PARD3B: variants seen among roughly 807,000 people sequenced by gnomAD.
PARD3B encodes partitioning defective 3 homolog B.
In PARD3B, 103 loss-of-function variants were observed where a neutral mutation model predicts 130.2. The observed-to-expected ratio is 0.79, with a 90% CI of 0.67 to 0.93. The LOEUF (loss-of-function observed/expected upper bound fraction) is 0.93, where lower values mean the gene tolerates loss of function less well. Among genes scored for constraint, PARD3B ranks in the 40% least tolerant of loss-of-function variants. The pLI, the probability that PARD3B is intolerant of heterozygous loss-of-function variation, is 0.00. For missense variants in PARD3B, 1,609 were observed against 1,499.2 expected (o/e 1.07, Z -1.21); for synonymous variants, 583 against 553.2 (o/e 1.05, Z -0.76).
chr2:204,774,277 A>G (rs952834197), intron 2 of PARD3B, among the ~76,000 whole-genome samples: 3 of 152,026 alleles, frequency 2.0e-5, no homozygotes, highest in Non-Finnish European at 2.9e-5. Flanking sequence ...TCCTTCCATG[A>G]GAATCCACGC....
At chr2:205,022,112 A>G (rs1337416830) in intron 3 of PARD3B, among the ~76,000 whole-genome samples, 1 of 152,218 alleles carries the variant, frequency 6.6e-6, no homozygotes, top group African/African-American at 2.4e-5. Flanking sequence ...AAATCTAATG[A>G]TTCAGTTAGT....
intron 19 of PARD3B, among the ~76,000 whole-genome samples, chr2:205,411,240 A>G (rs2106052030): frequency 6.6e-6 from 1 of 152,300 alleles, no homozygotes; most frequent in South Asian, 2.1e-4. Flanking sequence ...TTTTAGATAG[A>G]TAGATAGATA....
rs756852205 is a variant in PARD3B, at chr2:204,907,873, T to G, written c.223-57279T>G. On this transcript the variant is annotated intron_variant, in intron 2 of 22. Coordinates refer to ENST00000406610, the MANE Select transcript of PARD3B (RefSeq NM_001302769.2). This position sits in a 1 kb window ranked among gnomAD's most constrained non-coding sequence, Gnocchi z 5.7. The stretch of plus-strand genomic sequence containing the variant: ...TGTGGTAGCACGCCCAGCTGATTTT[T>G]GTATTTTTTGTAGAGATAAGCTTTC... Among the ~76,000 whole-genome samples the G allele has an allele frequency of 1.3e-5, 2 of 152,066 alleles. No individual in the cohort carries two copies. The highest frequency in any genetic ancestry group is 2.9e-5 in the Non-Finnish European group (2 of 68,006).
intron 2 of PARD3B, among the ~76,000 whole-genome samples, chr2:204,697,661 A>C (rs550531257): frequency 6.6e-6 from 1 of 152,100 alleles, no homozygotes; most frequent in East Asian, 1.9e-4. Context: ...GGATTGGCCT[A>C]CATAGTCCGT....
Position 205,301,515 on chromosome 2 carries a change from A to G in PARD3B, c.2444A>G (p.Glu815Gly), listed in dbSNP as rs2041997029. ...TCTGGCCAAGGAGCTCTGAATTGTG[A>G]GTCTGCCCCTCAGGGGAATTCGGAG... ...SHSGQGALNC[E>G]SAPQGNSELE... The change falls in exon 18 of 23, where the codon GAG becomes GGG. Residue 815 changes from glutamate (E) to glycine (G), a missense_variant. Glu to Gly is a moderately conservative substitution (Grantham distance 98). Coordinates refer to ENST00000406610, the MANE Select transcript of PARD3B (RefSeq NM_001302769.2). The surrounding 1 kb of genome is among the most constrained non-coding windows in gnomAD (Gnocchi z 5.2). 3 of 1,614,022 alleles carry G rather than the reference A, an allele frequency of 1.9e-6. No homozygotes were observed. Among genetic ancestry groups the G allele is most frequent in the Non-Finnish European group, 1.7e-6 (2 of 1,180,018 alleles).
intron 20 of PARD3B, among the ~76,000 whole-genome samples, chr2:205,459,373 A>G: frequency 1.3e-5 from 2 of 152,032 alleles, no homozygotes; most frequent in Non-Finnish European, 2.9e-5. Flanking sequence ...TTCTTCCACC[A>G]TCGCCAAAAA....
At chr2:205,279,931 A>T (rs1316698891) in intron 16 of PARD3B, among the ~76,000 whole-genome samples, 1 of 152,214 alleles carries the variant, frequency 6.6e-6, no homozygotes, top group Admixed American at 6.5e-5. Flanking sequence ...AGCTACAAAA[A>T]ATAAGTATCC....
intron 1 of PARD3B, among the ~76,000 whole-genome samples, chr2:204,553,650 CCATATATATATATATA>C (rs1559152280): frequency 7.5e-5 from 2 of 26,622 alleles, no homozygotes; most frequent in Admixed American, 5.6e-4. Context: ...TTATATATAT[CCATATATATATATATA>C]TATATATATA....
At chr2:204,743,730 CAT>C in intron 2 of PARD3B, among the ~76,000 whole-genome samples, 1 of 151,982 alleles carries the variant, frequency 6.6e-6, no homozygotes, top group Admixed American at 6.6e-5. Flanking sequence ...AACTCTGACA[CAT>C]AGTTACTCTC....
At chr2:205,537,065 T>G (rs2051894180) in intron 21 of PARD3B, among the ~76,000 whole-genome samples, 1 of 152,166 alleles carries the variant, frequency 6.6e-6, no homozygotes, top group African/African-American at 2.4e-5. Context: ...CATTGATGAG[T>G]AGAGTTCCTT....
chr2:204,749,073 GC>G (rs2040358862), intron 2 of PARD3B, among the ~76,000 whole-genome samples: 1 of 151,882 alleles, frequency 6.6e-6, no homozygotes, highest in East Asian at 1.9e-4. Context: ...GTAAAGTTTT[GC>G]AGGGAATTTT....
At chr2:204,729,309 T>G (rs1423680866) in intron 2 of PARD3B, among the ~76,000 whole-genome samples, 1 of 152,168 alleles carries the variant, frequency 6.6e-6, no homozygotes, top group East Asian at 1.9e-4. Flanking sequence ...CAGAACTGGC[T>G]CTTGCAGAAT....
At chr2:204,837,525 A>C (rs567422476) in intron 2 of PARD3B, among the ~76,000 whole-genome samples, 1 of 151,704 alleles carries the variant, frequency 6.6e-6, no homozygotes, top group Non-Finnish European at 1.5e-5. Flanking sequence ...GGTTCAAGCA[A>C]TTCTCCTGCC....
intron 1 of PARD3B, among the ~76,000 whole-genome samples, chr2:204,563,257 C>CTCTCTCTCTCTT (rs1553542030): frequency 1.9e-4 from 27 of 142,760 alleles, no homozygotes; most frequent in African/African-American, 7.3e-4. Flanking sequence ...CTCTCTCTCT[C>CTCTCTCTCTCTT]TCTCTCTCTT....
chr2:204,664,357 T>C lies in PARD3B; in HGVS notation c.121-21824T>C, dbSNP rs2035937927. ...TATTTTCATCTGGGAGTGTCTGTTGTGTTTGCATGCACCAGATGAGCTGGA... is the reference window on the plus strand; with the variant it reads ...TATTTTCATCTGGGAGTGTCTGTTGCGTTTGCATGCACCAGATGAGCTGGA... On this transcript the variant is annotated intron_variant, in intron 1 of 22. Transcript: ENST00000406610. This position sits in a 1 kb window ranked among gnomAD's most constrained non-coding sequence, Gnocchi z 5.2. Among the ~76,000 whole-genome samples, 1 of 152,194 alleles carries C rather than the reference T, an allele frequency of 6.6e-6. No individual in the cohort carries two copies. Among genetic ancestry groups the C allele is most frequent in the African/African-American group, 2.4e-5 (1 of 41,438 alleles).
In PARD3B at chr2:205,266,179, T is replaced by G. The variant is rs1221783282; in HGVS notation, c.2185+20357T>G. On this transcript the variant is annotated intron_variant, in intron 16 of 22. Transcript: ENST00000406610. The stretch of plus-strand genomic sequence containing the variant: ...GTCTCCCAGACCCACCAAATAGAGT[T>G]TATTCAACACTAAAATGCAGTTACC... Among the ~76,000 whole-genome samples, 4 of 152,090 alleles carry G rather than the reference T, an allele frequency of 2.6e-5. No homozygotes were observed. In the East Asian group the frequency reaches 7.7e-4, roughly 29 times the overall value.
intron 1 of PARD3B, among the ~76,000 whole-genome samples, chr2:204,657,400 G>A (rs1428550687): frequency 1.3e-5 from 2 of 152,100 alleles, no homozygotes; most frequent in Non-Finnish European, 2.9e-5. Flanking sequence ...CAGCTACTTG[G>A]GAGACTGAGG....
intron 4 of PARD3B, among the ~76,000 whole-genome samples, chr2:205,060,884 G>T (rs1472832718): frequency 1.3e-5 from 2 of 152,058 alleles, no homozygotes; most frequent in Non-Finnish European, 2.9e-5. Context: ...TTTCACTAGG[G>T]TCATGTATAG....
At chr2:205,546,889 A>T (rs139262868) in intron 21 of PARD3B, among the ~76,000 whole-genome samples, 86 of 152,346 alleles carry the variant, frequency 5.6e-4, no homozygotes, top group Non-Finnish European at 7.9e-4. Context: ...ATCCAATAGC[A>T]TACAAAATTG....
Sources: allele counts gnomAD v4.1 joint callset (sites outside exome capture counted in the v4.1 genomes callset), GRCh38; gene constraint gnomAD v4.1.1; non-coding constraint Gnocchi (gnomAD v3.1); transcripts MANE v1.5; gene names NCBI Gene and HGNC (gene_info 2026-07-23, HGNC 2026-07-21).